Variants in ATAD3B observed in about 807,000 individuals in gnomAD.
ATAD3B encodes the protein ATPase family AAA domain-containing protein 3B.
Under a neutral mutation model 70.2 loss-of-function variants are expected in ATAD3B, and 59 were observed. That is an observed-to-expected ratio of 0.84 (90% CI 0.68 to 1.04). The LOEUF is 1.04. Ranked by LOEUF, ATAD3B falls within the 50% of genes least tolerant of loss-of-function variation. ATAD3B has a pLI of 0.00. For synonymous variants in ATAD3B, 423 were observed against 388.6 expected (o/e 1.09, Z -1.04); for missense variants, 961 against 913.4 (o/e 1.05, Z -0.67).
intron 1 of ATAD3B, among the ~76,000 whole-genome samples, chr1:1,476,770 A>C (rs1639612417): frequency 6.6e-6 from 1 of 151,744 alleles, no homozygotes; most frequent in Non-Finnish European, 1.5e-5. Context: ...AGCCTCCCAA[A>C]GTGCTGGGAT....
chr1:1,493,914 G>C (rs1399336087), intron 15 of ATAD3B, among the ~76,000 whole-genome samples: 1 of 151,974 alleles, frequency 6.6e-6, no homozygotes, highest in African/African-American at 2.4e-5. Flanking sequence ...GCTTTAATAT[G>C]AGGGTAATGC....
rs189447819 is a variant in ATAD3B, at chr1:1,486,790, C to T, written c.1214+122C>T. On this transcript the variant is annotated intron_variant, in intron 11 of 15. Coordinates refer to ENST00000673477, the MANE Select transcript of ATAD3B (RefSeq NM_031921.6). ...TTCTGCAGCTCTGTCCTTGTGGCCA[C>T]GCAGGAGGCCCAATGGAGGGTCCCT... is the stretch of plus-strand genomic sequence containing the variant. 513 of 1,479,492 alleles carry T rather than the reference C, an allele frequency of 3.5e-4. 8 individuals are homozygous for T. In the Admixed American group the frequency reaches 4.0e-3, roughly 11 times the overall value. 91.6% of individuals were successfully genotyped at this position (1,479,492 alleles called of 1,614,324 possible).
chr1:1,502,946 C>G, the ATAD3B span, among the ~76,000 whole-genome samples: 2 of 150,810 alleles, frequency 1.3e-5, no homozygotes, highest in African/African-American at 4.9e-5. Flanking sequence ...CACATCAGGC[C>G]GGGCACAGTG....
intron 11 of ATAD3B, 88 bp from the exon 12 acceptor site, chr1:1,487,775 G>T (rs1640305458): frequency 6.6e-7 from 1 of 1,513,466 alleles, no homozygotes; most frequent in Non-Finnish European, 9.1e-7. Flanking sequence ...GGATCTGCCT[G>T]CCTGGCCTGC....
chr1:1,487,237 T>TAC (rs2100577108), intron 11 of ATAD3B, among the ~76,000 whole-genome samples: 1 of 151,980 alleles, frequency 6.6e-6, no homozygotes, highest in African/African-American at 2.4e-5. Flanking sequence ...ACGGCTGTAA[T>TAC]CCCAGACTTT....
chr1:1,474,193 C>A lies in ATAD3B; in HGVS notation c.205+2104C>A, dbSNP rs112487093. Among the ~76,000 whole-genome samples the A allele has an allele frequency of 4.8e-5, 6 of 125,040 alleles. 1 individual carries two copies. Among genetic ancestry groups the A allele is most frequent in the African/African-American group, 2.8e-4 (6 of 21,184 alleles). The allele number at this position is 125,040 out of a possible 152,430, so 82.0% of individuals were successfully genotyped here. On this transcript the variant is annotated intron_variant, in intron 1 of 15. Transcript: ENST00000673477. ...CTCGGTAATTTTTCTTTTTTCTTTTCTTTTTTTCTTTTTTTTTTTGACGGA... is the reference window on the plus strand; with the variant it reads ...CTCGGTAATTTTTCTTTTTTCTTTTATTTTTTTCTTTTTTTTTTTGACGGA...
At chr1:1,491,317 C>T (rs1292520341) in intron 15 of ATAD3B, among the ~76,000 whole-genome samples, 2 of 151,944 alleles carry the variant, frequency 1.3e-5, no homozygotes, top group Non-Finnish European at 1.5e-5. Context: ...AGGCATATCA[C>T]GGGGTCAGAT....
chr1:1,486,051 G>C (rs929926593), intron 9 of ATAD3B, 59 bp from the exon 10 acceptor site: 24 of 1,610,590 alleles, frequency 1.5e-5, no homozygotes, highest in Non-Finnish European at 1.9e-5. Context: ...CGCAGCCCCT[G>C]TCACCGAGGC....
chr1:1,494,903 C>T (rs973058136), intron 15 of ATAD3B, among the ~76,000 whole-genome samples: 3 of 152,030 alleles, frequency 2.0e-5, no homozygotes, highest in Admixed American at 6.6e-5. Flanking sequence ...AGATGGAGAG[C>T]GACCTGTCCG....
At chr1:1,502,218 CTCTTT>C (rs1640961163), downstream of ATAD3B, among the ~76,000 whole-genome samples, 1 of 146,570 alleles carries the variant, frequency 6.8e-6, no homozygotes, top group Non-Finnish European at 1.5e-5. Flanking sequence ...TTTTTTCTCT[CTCTTT>C]TTTTTTTTGG....
Position 1,495,989 on chromosome 1 carries a change from C to T in ATAD3B, c.*172C>T, listed in dbSNP as rs140821046. The T allele has an allele frequency of 0.013, 18,261 of 1,359,418 alleles. 413 individuals are homozygous for T. Among genetic ancestry groups the T allele is most frequent in the Middle Eastern group, 0.017 (61 of 3,674 alleles). The allele number at this position is 1,359,418 out of a possible 1,614,324, so 84.2% of individuals were successfully genotyped here. A position where few individuals can be genotyped will look rare whatever the true frequency, so the allele number is the denominator to read the frequency against. On this transcript the variant is annotated 3_prime_UTR_variant, in exon 16 of 16. Coordinates refer to ENST00000673477, the MANE Select transcript of ATAD3B (RefSeq NM_031921.6). ...CCTGGGGCAGAAGGAGTGGGGCAGG[C>T]GGGGTCTTTGTTCTCGGCTCCCACA... is the stretch of plus-strand genomic sequence containing the variant.
chr1:1,486,409 G>C (rs562400218), intron 10 of ATAD3B, 135 bp from the exon 11 acceptor site: 23 of 1,592,084 alleles, frequency 1.4e-5, no homozygotes, highest in Non-Finnish European at 1.9e-5. Context: ...CCAGGCGGGG[G>C]ACGTCTCCTG....
rs370500078 is a variant in ATAD3B at position 1,495,517 on chromosome 1, C to T, written c.1647C>T (p.Leu549=). 1.9e-6 allele frequency: 3 copies of T among 1,610,750 alleles called. No individual in the cohort carries two copies. Among genetic ancestry groups the T allele is most frequent in the Admixed American group, 1.7e-5 (1 of 59,868 alleles). ...ATAYASKDGV[L]TEAMMDACVQ... is the part of the protein sequence containing the mutation. ...CATATGCCTCCAAGGACGGGGTCCT[C>T]ACTGAGGCCATGATGGACGCCTGTG... The change falls in exon 16 of 16, where the codon CTC becomes CTT. Residue 549 remains leucine, a synonymous_variant. Coordinates refer to ENST00000673477, the MANE Select transcript of ATAD3B (RefSeq NM_031921.6).
intron 15 of ATAD3B, among the ~76,000 whole-genome samples, chr1:1,494,329 C>T (rs563796396): frequency 3.4e-4 from 51 of 152,090 alleles, no homozygotes; most frequent in African/African-American, 1.1e-3. Flanking sequence ...TGCAGCCACT[C>T]GGGTGGACCC....
rs1485222833 is a variant in ATAD3B at position 1,486,313 on chromosome 1, C to T, written c.1089+78C>T. On this transcript the variant is annotated intron_variant, in intron 10 of 15. Transcript: ENST00000673477. ...CCTGCAGGTGTCTGGGGGCCTCAGC[C>T]GCCTGGGGAATGGACCCCCCTTAGG... The T allele has an allele frequency of 1.0e-3, 1,615 of 1,606,204 alleles. 30 individuals are homozygous for T. The highest frequency in any genetic ancestry group is 1.8e-3 in the East Asian group (82 of 44,764).
chr1:1,482,415 TTGG>T lies in ATAD3B; in HGVS notation c.680+116_680+118del. ...GGCCTGGCCGCCATAGGCTGACTCC[TTGG>T]TGGGGGCACTGCCCCTCTGTCCTGG... On this transcript the variant is annotated intron_variant, in intron 6 of 15. Coordinates refer to ENST00000673477, the MANE Select transcript of ATAD3B (RefSeq NM_031921.6). 3 of 1,584,938 alleles carry T rather than the reference TTGG, an allele frequency of 1.9e-6. No homozygotes were observed. The South Asian group carries it at 3.5e-5, about 18-fold the overall frequency.
downstream of ATAD3B, among the ~76,000 whole-genome samples, chr1:1,499,132 C>A (rs1226623226): frequency 6.6e-6 from 1 of 151,900 alleles, no homozygotes; most frequent in African/African-American, 2.4e-5. Context: ...CCACCACGCC[C>A]AGCTAATTTT....
chr1:1,494,029 A>G (rs1376669700), intron 15 of ATAD3B, among the ~76,000 whole-genome samples: 2 of 152,086 alleles, frequency 1.3e-5, no homozygotes, highest in African/African-American at 4.8e-5. Context: ...TGAAGAAATC[A>G]GGTCCAGGTC....
chr1:1,484,760 C>G (rs571296243), intron 7 of ATAD3B: 1 of 1,046,982 alleles, frequency 9.6e-7, no homozygotes, highest in Non-Finnish European at 1.3e-6. Flanking sequence ...GCTCAGCGAC[C>G]GAGGCTTTCT....
Sources: allele counts gnomAD v4.1 joint callset (sites outside exome capture counted in the v4.1 genomes callset), GRCh38; gene constraint gnomAD v4.1.1; transcripts MANE v1.5; gene names NCBI Gene and HGNC (gene_info 2026-07-23, HGNC 2026-07-21).